TRIM67: variants seen among roughly 807,000 people sequenced by gnomAD.
TRIM67 encodes the protein tripartite motif containing 67, also known as tripartite motif-containing protein 67.
In TRIM67, 39 loss-of-function variants were observed where a neutral mutation model predicts 71.0. The ratio of observed to expected loss-of-function variants is 0.55; its 90% CI spans 0.43 to 0.72. The LOEUF (loss-of-function observed/expected upper bound fraction) is 0.72, where lower values mean the gene tolerates loss of function less well. Ranked by LOEUF, TRIM67 falls within the 30% of genes least tolerant of loss-of-function variation. The pLI is 0.00. For synonymous variants in TRIM67, 481 were observed against 473.9 expected (o/e 1.01, Z -0.19); for missense variants, 973 against 1,079.2 (o/e 0.90, Z 1.38).
intron 1 of TRIM67, chr1:231,186,005 G>T: frequency 7.6e-7 from 1 of 1,307,274 alleles, no homozygotes; most frequent in Non-Finnish European, 1.1e-6. Context: ...GGGTCTTCTG[G>T]AAGATAGGTG....
At chr1:231,208,188 T>G (rs560876089) in intron 7 of TRIM67, among the ~76,000 whole-genome samples, 6 of 151,814 alleles carry the variant, frequency 4.0e-5, no homozygotes, top group Admixed American at 3.9e-4. Flanking sequence ...TTTTTTTTTT[T>G]TTTGAGACAG....
rs544060630 is a variant in TRIM67, at chr1:231,208,004, C to T, written c.1820-943C>T. Among the ~76,000 whole-genome samples the T allele has an allele frequency of 4.3e-3, 644 of 148,956 alleles. 5 individuals are homozygous for T. Among genetic ancestry groups the T allele is most frequent in the African/African-American group, 0.016 (617 of 39,722 alleles). ...GTGGCTCATCAATATCGATTTCCTC[C>T]TGTACTTTTTTTTTTTTTTTTTTGA... is the stretch of plus-strand genomic sequence containing the variant. On this transcript the variant is annotated intron_variant, in intron 7 of 9. Coordinates refer to ENST00000366653, the MANE Select transcript of TRIM67 (RefSeq NM_001004342.5).
rs1281204546 is a variant in TRIM67, at chr1:231,216,733, T to C, written c.*1293T>C. Reference sequence around the variant, plus strand: ...CGAGTCTGACCTGCCAGGGCAGGACTCTGGAAACACCAGGCTTCTCCCTTG... The same window carrying C: ...CGAGTCTGACCTGCCAGGGCAGGACCCTGGAAACACCAGGCTTCTCCCTTG... On this transcript the variant is annotated 3_prime_UTR_variant, in exon 10 of 10. Transcript: ENST00000366653. 1 of 985,412 alleles carries C rather than the reference T, an allele frequency of 1.0e-6. No homozygotes were observed. Among genetic ancestry groups the C allele is most frequent in the Non-Finnish European group, 1.2e-6 (1 of 829,988 alleles). 61.0% of individuals were successfully genotyped at this position (985,412 alleles called of 1,614,324 possible). A position where few individuals can be genotyped will look rare whatever the true frequency, so the allele number is the denominator to read the frequency against.
chr1:231,197,596 C>T (rs570500629), intron 2 of TRIM67, 130 bp downstream of exon 2: 9 of 707,224 alleles, frequency 1.3e-5, no homozygotes, highest in East Asian at 5.8e-5. Context: ...GAGGCCGAGG[C>T]GGGCAGATCA....
chr1:231,167,319 C>CTTTTTTTTTTTTTTTTTTTTTTTTTTT lies in TRIM67; in HGVS notation c.1044+3327_1044+3328insTTTTTTTTTTTTTTTTTTTTTTTTTTT. The stretch of plus-strand genomic sequence containing the variant: ...ACAGGACTTTTGATCACTCTAATGT[C>CTTTTTTTTTTTTTTTTTTTTTTTTTTT]TTTTTTTTTTTTTTTTTTTTTGAGA... On this transcript the variant is annotated intron_variant, in intron 1 of 9. Coordinates refer to ENST00000366653, the MANE Select transcript of TRIM67 (RefSeq NM_001004342.5). Among the ~76,000 whole-genome samples the CTTTTTTTTTTTTTTTTTTTTTTTTTTT allele has an allele frequency of 2.5e-4, 13 of 51,844 alleles. 5 individuals are homozygous for CTTTTTTTTTTTTTTTTTTTTTTTTTTT. Among genetic ancestry groups the CTTTTTTTTTTTTTTTTTTTTTTTTTTT allele is most frequent in the East Asian group, 5.8e-4 (1 of 1,724 alleles). The allele number at this position is 51,844 out of a possible 152,430, so 34.0% of individuals were successfully genotyped here.
At chr1:231,206,377 G>T (rs187355349) in intron 6 of TRIM67, among the ~76,000 whole-genome samples, 14 of 151,988 alleles carry the variant, frequency 9.2e-5, no homozygotes, top group African/African-American at 3.4e-4. Context: ...GGAGGCGGAG[G>T]TTTTGGTAAG....
At chr1:231,205,190 T>A (rs1683661545) in intron 6 of TRIM67, among the ~76,000 whole-genome samples, 2 of 152,208 alleles carry the variant, frequency 1.3e-5, no homozygotes, top group Non-Finnish European at 2.9e-5. Context: ...TAACAAAAGC[T>A]AGACCTAAGG....
chr1:231,201,091 G>A (rs377561261), intron 4 of TRIM67, among the ~76,000 whole-genome samples: 2 of 152,184 alleles, frequency 1.3e-5, no homozygotes. Flanking sequence ...GCATTTCTCA[G>A]TAGTGTTTGC....
chr1:231,167,213 A>G (rs965354358), intron 1 of TRIM67, among the ~76,000 whole-genome samples: 6 of 151,736 alleles, frequency 4.0e-5, no homozygotes, highest in African/African-American at 9.7e-5. Flanking sequence ...AATCTCACTG[A>G]TACTCCAGGA....
chr1:231,177,634 T>C (rs1397346598), intron 1 of TRIM67, among the ~76,000 whole-genome samples: 5 of 152,232 alleles, frequency 3.3e-5, no homozygotes, highest in African/African-American at 1.2e-4. Flanking sequence ...TCCATGGGCA[T>C]TTTTACTAAT....
At chr1:231,206,884 A>C in intron 7 of TRIM67, 94 bp downstream of exon 7, 1 of 1,199,184 alleles carries the variant, frequency 8.3e-7, no homozygotes, top group Non-Finnish European at 1.1e-6. Context: ...ATGATGGGGT[A>C]GGGGTGGGGG....
Position 231,211,041 on chromosome 1 carries a change from T to C in TRIM67, c.2123+1791T>C, listed in dbSNP as rs370570822. The stretch of plus-strand genomic sequence containing the variant: ...CTACCAAAAAAAAAAAATATATATA[T>C]ATATATATATTTTGTTTGTTTGTTT... On this transcript the variant is annotated intron_variant, in intron 8 of 9. Transcript: ENST00000366653. Among the ~76,000 whole-genome samples, 468 of 136,212 alleles carry C rather than the reference T, an allele frequency of 3.4e-3. 3 individuals carry two copies. Among genetic ancestry groups the C allele is most frequent in the Non-Finnish European group, 5.7e-3 (370 of 65,222 alleles). 89.4% of individuals were successfully genotyped at this position (136,212 alleles called of 152,430 possible). A position where few individuals can be genotyped will look rare whatever the true frequency, so the allele number is the denominator to read the frequency against.
chr1:231,209,140 C>T lies in TRIM67; in HGVS notation c.2013C>T (p.Ala671=), dbSNP rs1306980444. Residue 671 remains alanine, a synonymous_variant, in exon 8 of 10, where the codon GCC becomes GCT. Coordinates refer to ENST00000366653, the MANE Select transcript of TRIM67 (RefSeq NM_001004342.5). This position sits in a 1 kb window ranked among gnomAD's most constrained non-coding sequence, Gnocchi z 4.1. ...ACCCAGACCCCGCCTTCGGGGTGGC[C>T]AGGGCCAGCGTGGTCAAGGACATGA... is the stretch of plus-strand genomic sequence containing the variant. ...DNHPDPAFGV[A]RASVVKDMML... 6.2e-7 allele frequency: 1 copy of T among 1,613,880 alleles called. No individual in the cohort carries two copies. The highest frequency in any genetic ancestry group is 8.5e-7 in the Non-Finnish European group (1 of 1,179,850).
intron 1 of TRIM67, among the ~76,000 whole-genome samples, chr1:231,173,086 T>G (rs1240061403): frequency 1.3e-5 from 2 of 152,250 alleles, no homozygotes; most frequent in African/African-American, 2.4e-5. Context: ...AATGCCTATA[T>G]ATCATATCAG....
chr1:231,183,800 G>T (rs2102729769), intron 1 of TRIM67, among the ~76,000 whole-genome samples: 1 of 152,240 alleles, frequency 6.6e-6, no homozygotes, highest in Admixed American at 6.5e-5. Flanking sequence ...GGCACTTACT[G>T]CTATTACCCG....
intron 1 of TRIM67, among the ~76,000 whole-genome samples, chr1:231,179,914 G>A (rs532040750): frequency 1.3e-5 from 2 of 152,254 alleles, no homozygotes; most frequent in South Asian, 2.1e-4. Context: ...CTGCAGACTG[G>A]GCAAAGAGTA....
At chr1:231,169,971 TA>T (rs1387355895) in intron 1 of TRIM67, among the ~76,000 whole-genome samples, 4 of 151,520 alleles carry the variant, frequency 2.6e-5, no homozygotes, top group African/African-American at 7.3e-5. Context: ...GTTACACCTT[TA>T]AAATGTTTTT....
At position 231,163,613 on chromosome 1, in the gene TRIM67, C is replaced by T; in HGVS notation, c.644C>T (p.Pro215Leu). ...ATCTGCCAGCTGTGCGACCGCACCC[C>T]GCCAGAGCCAGCAGCCACGCTCTGC... is the stretch of plus-strand genomic sequence containing the variant. ...VAICQLCDRT[P>L]PEPAATLCEQ... The change falls in exon 1 of 10, where the codon CCG becomes CTG. Residue 215 changes from proline (P) to leucine (L), a missense_variant. Around this residue, in one of 2 missense-constraint regions of TRIM67, gnomAD observed 795 missense variants for 831.3 expected, o/e 0.96. Transcript: ENST00000366653. 1.3e-6 allele frequency: 2 copies of T among 1,518,340 alleles called. No homozygotes were observed. Among genetic ancestry groups the T allele is most frequent in the Non-Finnish European group, 1.8e-6 (2 of 1,136,846 alleles). 94.1% of individuals were successfully genotyped at this position (1,518,340 alleles called of 1,614,324 possible). A position where few individuals can be genotyped will look rare whatever the true frequency, so the allele number is the denominator to read the frequency against.
At chr1:231,198,929 A>G (rs2102747583) in intron 2 of TRIM67, 118 bp from the exon 3 acceptor site, 1 of 1,501,450 alleles carries the variant, frequency 6.7e-7, no homozygotes, top group South Asian at 1.2e-5. Flanking sequence ...ACAACATTAT[A>G]GAGAAATCTA....
Sources: gnomAD v4.1 joint callset for allele counts (sites outside exome capture counted in the v4.1 genomes callset) on GRCh38, gnomAD v4.1.1 for gene constraint, gnomAD v4.1.1 regional missense constraint, Gnocchi (gnomAD v3.1) non-coding constraint, MANE v1.5 for transcripts, NCBI Gene and HGNC (gene_info 2026-07-23, HGNC 2026-07-21) for gene names.